ESPN: variants seen among roughly 807,000 people sequenced by gnomAD.
ESPN encodes the protein autosomal recessive deafness type 36 protein.
A neutral mutation model predicts 77.7 loss-of-function variants in ESPN; 68 were observed. The observed-to-expected ratio is 0.87, with a 90% CI of 0.72 to 1.07. The LOEUF (loss-of-function observed/expected upper bound fraction) is 1.07. ESPN is among the 50% of genes least tolerant of loss of function. The pLI, the probability that ESPN is intolerant of heterozygous loss-of-function variation, is 0.00. For synonymous variants in ESPN, 449 were observed against 567.1 expected (o/e 0.79, Z 2.96); for missense variants, 1,060 against 1,239.0 (o/e 0.86, Z 2.17).
In ESPN at chr1:6,427,688, A is replaced by G. The variant is rs563189056; in HGVS notation, c.295-538A>G. ...ACTGAGGTTGGGTTCCTGGAGGCGTACCAAGGTGGAGGTCTCTGTTCCCAC... is the reference window on the plus strand; with the variant it reads ...ACTGAGGTTGGGTTCCTGGAGGCGTGCCAAGGTGGAGGTCTCTGTTCCCAC... On this transcript the variant is annotated intron_variant, in intron 1 of 12. Coordinates refer to ENST00000645284, the MANE Select transcript of ESPN (RefSeq NM_031475.3). The surrounding 1 kb of genome is among the most constrained non-coding windows in gnomAD (Gnocchi z 4.6). Among the ~76,000 whole-genome samples, 5 of 152,322 alleles carry G rather than the reference A, an allele frequency of 3.3e-5. No individual in the cohort carries two copies. In the South Asian group the frequency reaches 1.0e-3, roughly 32 times the overall value.
chr1:6,457,056 C>T (rs985481118), intron 10 of ESPN, 128 bp from the exon 11 acceptor site: 1 of 939,112 alleles, frequency 1.1e-6, no homozygotes, highest in African/African-American at 1.6e-5. Flanking sequence ...CACCTCCATC[C>T]ACTTGTCACA....
intron 7 of ESPN, 47 bp from the exon 8 acceptor site, chr1:6,448,594 C>A: frequency 6.6e-7 from 1 of 1,510,636 alleles, no homozygotes; most frequent in Non-Finnish European, 8.8e-7. Flanking sequence ...GTGGGGGGCG[C>A]CTACCGGGCA....
chr1:6,445,571 C>T (rs1405411422), intron 6 of ESPN, 93 bp from the exon 7 acceptor site: 54 of 1,431,382 alleles, frequency 3.8e-5, no homozygotes, highest in African/African-American at 4.2e-5. Context: ...CCTTGCCCCT[C>T]GGCAAGTTGT....
rs1643940374 is a variant in ESPN at position 6,451,411 on chromosome 1, G to C, written c.1916-192G>C. The C allele has an allele frequency of 2.8e-6, 2 of 722,396 alleles. No individual in the cohort carries two copies. Among genetic ancestry groups the C allele is most frequent in the African/African-American group, 3.5e-5 (2 of 56,432 alleles). The allele number at this position is 722,396 out of a possible 1,614,324, so 44.7% of individuals were successfully genotyped here. ...AAGATGGTGGGGTTGCCACAGTCAG[G>C]GAACCAAGGGCCCGCCTCTGGGGGC... On this transcript the variant is annotated intron_variant, in intron 8 of 12. Transcript: ENST00000645284. This position sits in a 1 kb window ranked among gnomAD's most constrained non-coding sequence, Gnocchi z 4.3.
intron 10 of ESPN, chr1:6,455,994 GC>G: frequency 2.5e-6 from 1 of 398,666 alleles, no homozygotes; most frequent in Non-Finnish European, 4.4e-6. Flanking sequence ...CGAGGCCCTG[GC>G]CCCTGCGCCG....
Position 6,447,453 on chromosome 1 carries a change from G to C in ESPN, c.1465-1188G>C, listed in dbSNP as rs1450935806. 1 of 152,378 alleles carries C rather than the reference G, an allele frequency of 6.6e-6. No homozygotes were observed. Among genetic ancestry groups the C allele is most frequent in the Non-Finnish European group, 1.5e-5 (1 of 68,180 alleles). The allele number at this position is 152,378 out of a possible 1,614,324, so 9.4% of individuals were successfully genotyped here. A position where few individuals can be genotyped will look rare whatever the true frequency, so the allele number is the denominator to read the frequency against. ...TGCGGTGTCGCATTTCCTGCAACGT[G>C]AGCCAGGTCGGGCGGGGTGAAGGGT... is the stretch of plus-strand genomic sequence containing the variant. On this transcript the variant is annotated intron_variant, in intron 7 of 12. Coordinates refer to ENST00000645284, the MANE Select transcript of ESPN (RefSeq NM_031475.3). This position sits in a 1 kb window ranked among gnomAD's most constrained non-coding sequence, Gnocchi z 5.2.
intron 10 of ESPN, chr1:6,454,879 G>A (rs1315285173): frequency 1.0e-5 from 4 of 389,702 alleles, no homozygotes; most frequent in African/African-American, 4.2e-5. Flanking sequence ...GGGCCGCTCT[G>A]CCTGGGTCGC....
intron 12 of ESPN, 136 bp from the exon 13 acceptor site, chr1:6,459,863 C>T (rs1644125785): frequency 4.8e-6 from 5 of 1,035,094 alleles, no homozygotes; most frequent in East Asian, 2.6e-5. Flanking sequence ...CTTCAGCAAC[C>T]GAGCCCCAGC....
At chr1:6,426,696 A>G (rs1210371009) in intron 1 of ESPN, among the ~76,000 whole-genome samples, 1 of 152,114 alleles carries the variant, frequency 6.6e-6, no homozygotes, top group Admixed American at 6.5e-5. Flanking sequence ...CTTCAGACCC[A>G]CAGTCCCCAA....
intron 2 of ESPN, among the ~76,000 whole-genome samples, chr1:6,434,373 C>T (rs1183248059): frequency 8.5e-5 from 13 of 152,230 alleles, no homozygotes; most frequent in Admixed American, 8.5e-4. Flanking sequence ...GTTTTCATCC[C>T]ATCTGTCCCT....
At position 6,427,984 on chromosome 1, in the gene ESPN, C is replaced by T. The variant is rs967831916; in HGVS notation, c.295-242C>T. Among the ~76,000 whole-genome samples, 8 of 152,064 alleles carry T rather than the reference C, an allele frequency of 5.3e-5. No individual in the cohort carries two copies. Among genetic ancestry groups the T allele is most frequent in the Admixed American group, 3.3e-4 (5 of 15,274 alleles). On this transcript the variant is annotated intron_variant, in intron 1 of 12. Transcript: ENST00000645284. This position sits in a 1 kb window ranked among gnomAD's most constrained non-coding sequence, Gnocchi z 4.6. ...ACCTGCAGCCTCTGAAAACCCTGCA[C>T]GGTGCTGCCTATTGGCTACGGTTCA...
chr1:6,461,280 A>G (rs1644163698), downstream of ESPN: 3 of 957,840 alleles, frequency 3.1e-6, no homozygotes, highest in South Asian at 1.4e-5. This position sits in a 1 kb window ranked among gnomAD's most constrained non-coding sequence, Gnocchi z 6.3. Context: ...GGCTGGAGCG[A>G]TAGGGGCGAG....
chr1:6,457,078 C>T, intron 10 of ESPN, 106 bp from the exon 11 acceptor site: 7 of 1,125,306 alleles, frequency 6.2e-6, no homozygotes, highest in Non-Finnish European at 9.2e-6. Context: ...AGATGTGCAT[C>T]AAAAGGATGT....
At chr1:6,436,947 C>G (rs1643460526) in intron 2 of ESPN, among the ~76,000 whole-genome samples, 1 of 152,090 alleles carries the variant, frequency 6.6e-6, no homozygotes, top group South Asian at 2.1e-4. Context: ...CATATCTGCC[C>G]CATGTTCTGG....
rs1187661348 is a variant in ESPN at position 6,427,062 on chromosome 1, G to A, written c.295-1164G>A. 9.2e-5 allele frequency among the ~76,000 whole-genome samples: 14 copies of A among 151,988 alleles called. No individual in the cohort carries two copies. The highest frequency in any genetic ancestry group is 8.5e-4 in the Admixed American group (13 of 15,254). On this transcript the variant is annotated intron_variant, in intron 1 of 12. Coordinates refer to ENST00000645284, the MANE Select transcript of ESPN (RefSeq NM_031475.3). This position sits in a 1 kb window ranked among gnomAD's most constrained non-coding sequence, Gnocchi z 4.6. ...TTGCATTTCTCACGGGAGCCTCAGA[G>A]GTTCTCTTCCCACCGTGATTTGACT...
rs181254774 is a variant in ESPN, at chr1:6,446,184, C to T, written c.1464+249C>T. 7.2e-3 allele frequency among the ~76,000 whole-genome samples: 1,100 copies of T among 152,282 alleles called. 10 individuals are homozygous for T. Among genetic ancestry groups the T allele is most frequent in the African/African-American group, 0.025 (1,051 of 41,560 alleles). On this transcript the variant is annotated intron_variant, in intron 7 of 12. Coordinates refer to ENST00000645284, the MANE Select transcript of ESPN (RefSeq NM_031475.3). The stretch of plus-strand genomic sequence containing the variant: ...GGGTGAAGGACGCAGGTCCAGACAG[C>T]TGTGCCTCACCAGGAACTGGGCCTG...
At chr1:6,435,761 G>A (rs1569616693) in intron 2 of ESPN, among the ~76,000 whole-genome samples, 1 of 152,192 alleles carries the variant, frequency 6.6e-6, no homozygotes. Flanking sequence ...GACACTCCAG[G>A]CCAGCCATAG....
intron 8 of ESPN, among the ~76,000 whole-genome samples, chr1:6,449,843 C>A (rs1303470793): frequency 6.6e-6 from 1 of 152,160 alleles, no homozygotes. Context: ...GGACAGAGTG[C>A]CTAGATGTGG....
At chr1:6,445,980 G>A (rs1643822809) in intron 7 of ESPN, 45 bp downstream of exon 7, 1 of 1,600,150 alleles carries the variant, frequency 6.2e-7, no homozygotes, top group Non-Finnish European at 8.6e-7. Context: ...AGGGGGACTG[G>A]GCTGATGGGG....
Sources: allele counts gnomAD v4.1 joint callset (sites outside exome capture counted in the v4.1 genomes callset), GRCh38; gene constraint gnomAD v4.1.1; non-coding constraint Gnocchi (gnomAD v3.1); transcripts MANE v1.5; gene names NCBI Gene and HGNC (gene_info 2026-07-23, HGNC 2026-07-21).